The following NEK11 variants were observed in gnomAD, a reference collection of about 807,000 sequenced individuals.
NEK11 encodes NIMA related kinase 11.
Under a neutral mutation model 80.7 loss-of-function variants are expected in NEK11, and 72 were observed. The ratio of observed to expected loss-of-function variants is 0.89; its 90% CI spans 0.74 to 1.08. NEK11 has a LOEUF of 1.08. NEK11 is among the 50% of genes least tolerant of loss of function. NEK11 has a pLI of 0.00. For synonymous variants in NEK11, 251 were observed against 260.7 expected, an observed-to-expected ratio of 0.96 and a Z score of 0.36; for missense variants, 764 against 763.6, an observed-to-expected ratio of 1.00 and a Z score of -0.01.
At chr3:131,089,421 G>C (rs988900691) in intron 4 of NEK11, among the ~76,000 whole-genome samples, 1 of 151,994 alleles carries the variant, frequency 6.6e-6, no homozygotes, top group Admixed American at 6.6e-5. Context: ...GAATTAATAA[G>C]GGAAGCTTTT....
At chr3:131,042,670 G>C (rs917561915) in intron 3 of NEK11, among the ~76,000 whole-genome samples, 1 of 152,164 alleles carries the variant, frequency 6.6e-6, no homozygotes, top group Non-Finnish European at 1.5e-5. Flanking sequence ...GGGAAGGGGC[G>C]GCTGTGGGTA....
chr3:131,291,000 A>G (rs558978002), intron 17 of NEK11, among the ~76,000 whole-genome samples: 11 of 152,294 alleles, frequency 7.2e-5, no homozygotes, highest in Admixed American at 3.9e-4. Flanking sequence ...TGTACATTCT[A>G]TGGGTTTCAA....
intron 17 of NEK11, among the ~76,000 whole-genome samples, chr3:131,342,034 T>A (rs2097294717): frequency 6.6e-6 from 1 of 152,220 alleles, no homozygotes; most frequent in Non-Finnish European, 1.5e-5. Context: ...TTTAACAGTA[T>A]ATTAAACCAA....
chr3:131,328,917 T>C (rs982518428), intron 17 of NEK11: 13 of 152,212 alleles, frequency 8.5e-5, no homozygotes, highest in African/African-American at 3.1e-4. Context: ...GTTGAGGGAC[T>C]CTGGAGTCGT....
chr3:131,273,424 T>C (rs2108683391), intron 16 of NEK11, 54 bp from the exon 17 acceptor site: 3 of 1,405,720 alleles, frequency 2.1e-6, no homozygotes, highest in East Asian at 2.3e-5. Context: ...GAACATCGCC[T>C]TGAAGTTGCA....
chr3:131,120,091 T>C (rs2082106314), intron 5 of NEK11, among the ~76,000 whole-genome samples: 1 of 152,246 alleles, frequency 6.6e-6, no homozygotes, highest in South Asian at 2.1e-4. Context: ...CTTTACAATT[T>C]GGCATGTTTT....
intron 4 of NEK11, among the ~76,000 whole-genome samples, chr3:131,092,322 TGA>T (rs993451947): frequency 2.0e-5 from 3 of 152,146 alleles, no homozygotes; most frequent in Non-Finnish European, 4.4e-5. Flanking sequence ...TTAAGACACT[TGA>T]GAGAATATAG....
At chr3:131,324,604 G>C (rs149524050) in intron 17 of NEK11, among the ~76,000 whole-genome samples, 1 of 152,308 alleles carries the variant, frequency 6.6e-6, no homozygotes, top group African/African-American at 2.4e-5. Context: ...AATTGATAAA[G>C]GAAGCACAAT....
chr3:131,028,862 C>A (rs1469193364), intron 2 of NEK11, among the ~76,000 whole-genome samples: 14 of 152,188 alleles, frequency 9.2e-5, no homozygotes, highest in Admixed American at 9.2e-4. Context: ...CCTAAACAGT[C>A]CTGCCTTTCA....
intron 13 of NEK11, among the ~76,000 whole-genome samples, chr3:131,169,151 A>C (rs1407684639): frequency 1.3e-5 from 2 of 152,214 alleles, no homozygotes; most frequent in Admixed American, 6.5e-5. Flanking sequence ...GAAAAATGTG[A>C]TAAGGAGAAG....
At chr3:131,194,599 A>T (rs935762066) in intron 14 of NEK11, among the ~76,000 whole-genome samples, 1 of 152,004 alleles carries the variant, frequency 6.6e-6, no homozygotes, top group African/African-American at 2.4e-5. Flanking sequence ...CATTGTTTTT[A>T]TAAATTTATA....
Position 131,080,501 on chromosome 3 carries a change from C to G in NEK11, c.249C>G (p.Leu83=). ...TVQANLEAQL[L]SKLDHPAIVK... is the part of the protein sequence containing the mutation. ...AGGCCAATTTGGAAGCCCAACTCCT[C>G]TCCAAGCTGGACCACCCAGCCATTG... is the stretch of plus-strand genomic sequence containing the variant. Residue 83 remains leucine (L), a synonymous_variant, in exon 4 of 18, where the codon CTC becomes CTG. Transcript: ENST00000383366. 1 of 1,614,070 alleles carries G rather than the reference C, an allele frequency of 6.2e-7. No homozygotes were observed. Among genetic ancestry groups the G allele is most frequent in the South Asian group, 1.1e-5 (1 of 91,048 alleles).
At chr3:131,113,349 A>T (rs1271047964) in intron 5 of NEK11, among the ~76,000 whole-genome samples, 1 of 152,154 alleles carries the variant, frequency 6.6e-6, no homozygotes, top group Non-Finnish European at 1.5e-5. Context: ...GATCTTAGGG[A>T]ACCATCAGGG....
At chr3:131,092,444 C>CA (rs1289662698) in intron 4 of NEK11, among the ~76,000 whole-genome samples, 4 of 151,876 alleles carry the variant, frequency 2.6e-5, no homozygotes, top group African/African-American at 7.3e-5. Context: ...TAAAATGAAT[C>CA]AAAAAAATGA....
chr3:131,074,152 A>G (rs1308678238), intron 3 of NEK11, among the ~76,000 whole-genome samples: 1 of 152,066 alleles, frequency 6.6e-6, no homozygotes, highest in Non-Finnish European at 1.5e-5. Context: ...TACTTCCCAA[A>G]TTACTACTTG....
chr3:131,118,511 C>G (rs1399419679), intron 5 of NEK11, among the ~76,000 whole-genome samples: 1 of 152,158 alleles, frequency 6.6e-6, no homozygotes, highest in Non-Finnish European at 1.5e-5. Context: ...GAGGATCCCT[C>G]TTTTTCTGTT....
chr3:131,172,431 G>C (rs1280338745), intron 14 of NEK11, among the ~76,000 whole-genome samples: 1 of 152,232 alleles, frequency 6.6e-6, no homozygotes, highest in East Asian at 1.9e-4. Flanking sequence ...GTTAAAGCCT[G>C]TGCTGCCTCC....
At chr3:131,171,058 G>A in intron 14 of NEK11, 171 bp downstream of exon 14, 5 of 631,608 alleles carry the variant, frequency 7.9e-6, no homozygotes, top group Admixed American at 2.6e-5. Context: ...AGAAGCCAAG[G>A]ATTTTTCTGT....
intron 3 of NEK11, among the ~76,000 whole-genome samples, chr3:131,034,422 C>T (rs1199714663): frequency 2.0e-5 from 3 of 150,366 alleles, no homozygotes; most frequent in Admixed American, 6.6e-5. Context: ...TTTTTTGAGT[C>T]GGAGTCTCGA....
Sources: allele counts gnomAD v4.1 joint callset (sites outside exome capture counted in the v4.1 genomes callset), GRCh38; gene constraint gnomAD v4.1.1; transcripts MANE v1.5; gene names NCBI Gene and HGNC (gene_info 2026-07-23, HGNC 2026-07-21).